Variants in DAGLA observed in about 807,000 individuals in gnomAD.
The protein encoded by DAGLA is diacylglycerol lipase alpha.
Under a neutral mutation model 102.6 loss-of-function variants are expected in DAGLA, and 22 were observed. That is an observed-to-expected ratio of 0.21 (90% CI 0.15 to 0.31). The LOEUF (loss-of-function observed/expected upper bound fraction) is 0.31, where lower values mean the gene tolerates loss of function less well. Ranked by LOEUF, DAGLA falls within the 10% of genes least tolerant of loss-of-function variation. The pLI is 1.00. For synonymous variants in DAGLA, 578 were observed against 628.9 expected (o/e 0.92, Z 1.21); for missense variants, 927 against 1,446.6 (o/e 0.64, Z 5.83).
At chr11:61,743,329 C>G (rs976643978) in intron 19 of DAGLA, among the ~76,000 whole-genome samples, 6 of 149,324 alleles carry the variant, frequency 4.0e-5, no homozygotes, top group Non-Finnish European at 7.4e-5. Context: ...TGCCACTGCA[C>G]TCCAGCCTGG....
intron 1 of DAGLA, among the ~76,000 whole-genome samples, chr11:61,683,092 G>A (rs1471626164): frequency 1.3e-5 from 2 of 152,248 alleles, no homozygotes; most frequent in Admixed American, 1.3e-4. Context: ...CCATGGCGCT[G>A]GAAGTCCTGT....
intron 1 of DAGLA, among the ~76,000 whole-genome samples, chr11:61,703,875 T>C (rs935102097): frequency 6.6e-6 from 1 of 152,178 alleles, no homozygotes; most frequent in African/African-American, 2.4e-5. Flanking sequence ...AGAATGAAGA[T>C]CCAAAGATCC....
rs1017036318 is a variant in DAGLA at position 61,744,673 on chromosome 11, G to A, written c.*184G>A. On this transcript the variant is annotated 3_prime_UTR_variant, in exon 20 of 20. Transcript: ENST00000257215. Reference sequence around the variant, plus strand: ...CTCAGCTTAGGACCCCCAGAGCCAAGGTGGCTGGGATCTGGCCCCACAGAT... The same window carrying A: ...CTCAGCTTAGGACCCCCAGAGCCAAAGTGGCTGGGATCTGGCCCCACAGAT... The A allele has an allele frequency of 3.3e-5, 19 of 573,122 alleles. No homozygotes were observed. Among genetic ancestry groups the A allele is most frequent in the African/African-American group, 5.6e-5 (3 of 53,382 alleles). The allele number at this position is 573,122 out of a possible 1,614,324, so 35.5% of individuals were successfully genotyped here.
chr11:61,725,942 C>A (rs966751375), intron 5 of DAGLA, 53 bp from the exon 6 acceptor site: 1 of 1,524,726 alleles, frequency 6.6e-7, no homozygotes, highest in Non-Finnish European at 9.1e-7. Context: ...TGGGTCCCAG[C>A]TCTTCTGGTC....
intron 1 of DAGLA, among the ~76,000 whole-genome samples, chr11:61,707,987 T>TTATG (rs978177414): frequency 6.9e-6 from 1 of 144,686 alleles, no homozygotes; most frequent in African/African-American, 2.9e-5. Context: ...GGGAATTTAT[T>TTATG]TATGTATTTA....
Position 61,734,573 on chromosome 11 carries a change from G to A in DAGLA, c.975-276G>A, listed in dbSNP as rs2065407046. Among the ~76,000 whole-genome samples, 1 of 152,262 alleles carries A rather than the reference G, an allele frequency of 6.6e-6. No homozygotes were observed. The highest frequency in any genetic ancestry group is 1.9e-4 in the East Asian group (1 of 5,160). ...TTGGGTGCATCGCTGAGTAGGCCCTGCCCGGAGGGGAGATCCCAGAGAGGA... is the reference window on the plus strand; with the variant it reads ...TTGGGTGCATCGCTGAGTAGGCCCTACCCGGAGGGGAGATCCCAGAGAGGA... On this transcript the variant is annotated intron_variant, in intron 9 of 19. Transcript: ENST00000257215. The surrounding 1 kb of genome is among the most constrained non-coding windows in gnomAD (Gnocchi z 4.2).
chr11:61,702,757 C>G (rs1366018577), intron 1 of DAGLA, among the ~76,000 whole-genome samples: 1 of 152,222 alleles, frequency 6.6e-6, no homozygotes, highest in East Asian at 1.9e-4. Context: ...GAGGTGGACG[C>G]AAGTCACACG....
At chr11:61,716,657 A>AG (rs1219109660) in intron 1 of DAGLA, among the ~76,000 whole-genome samples, 2 of 152,186 alleles carry the variant, frequency 1.3e-5, no homozygotes, top group African/African-American at 4.8e-5. Flanking sequence ...CATATGCCTG[A>AG]GGTTGCACCG....
At chr11:61,717,755 G>A (rs927144545) in intron 1 of DAGLA, among the ~76,000 whole-genome samples, 2 of 152,144 alleles carry the variant, frequency 1.3e-5, no homozygotes, top group Non-Finnish European at 2.9e-5. Context: ...CGGCCCCCAG[G>A]AGCCCCGCCT....
intron 1 of DAGLA, among the ~76,000 whole-genome samples, chr11:61,717,288 A>G (rs1400758166): frequency 2.0e-5 from 3 of 152,148 alleles, no homozygotes; most frequent in Non-Finnish European, 4.4e-5. Context: ...GCCCTTAAAA[A>G]TAGCCCCAAG....
intron 9 of DAGLA, among the ~76,000 whole-genome samples, chr11:61,731,676 G>A (rs1266808201): frequency 3.3e-5 from 5 of 152,208 alleles, no homozygotes; most frequent in Non-Finnish European, 7.3e-5. Context: ...TGGGGCAAGT[G>A]GGTCCACCTC....
chr11:61,710,564 T>C (rs774698958), intron 1 of DAGLA, among the ~76,000 whole-genome samples: 7 of 151,886 alleles, frequency 4.6e-5, no homozygotes, highest in Non-Finnish European at 1.0e-4. Flanking sequence ...CCTGGGTGGT[T>C]GTGGATTAAA....
chr11:61,694,547 C>T (rs891682841), intron 1 of DAGLA, among the ~76,000 whole-genome samples: 2 of 152,202 alleles, frequency 1.3e-5, no homozygotes, highest in African/African-American at 2.4e-5. Context: ...GCCTCTGCGC[C>T]GGCTGCCTGT....
Position 61,684,868 on chromosome 11 carries a change from G to A in DAGLA, c.-45+4364G>A, listed in dbSNP as rs560539909. ...ACAGCAGGAGGGAACAGTGGGAGTCGGAGGAGGCTGCCTTCAGGCTGTGGG... is the reference window on the plus strand; with the variant it reads ...ACAGCAGGAGGGAACAGTGGGAGTCAGAGGAGGCTGCCTTCAGGCTGTGGG... On this transcript the variant is annotated intron_variant, in intron 1 of 19. Transcript: ENST00000257215. This position sits in a 1 kb window ranked among gnomAD's most constrained non-coding sequence, Gnocchi z 4.5. Among the ~76,000 whole-genome samples, 43 of 152,180 alleles carry A rather than the reference G, an allele frequency of 2.8e-4. No individual in the cohort carries two copies. The highest frequency in any genetic ancestry group is 6.2e-4 in the South Asian group (3 of 4,824).
chr11:61,712,371 C>T (rs1028277998), intron 1 of DAGLA, among the ~76,000 whole-genome samples: 3 of 152,196 alleles, frequency 2.0e-5, no homozygotes, highest in Non-Finnish European at 4.4e-5. Context: ...GAGGTGCCTC[C>T]TCTGGTCCTT....
intron 1 of DAGLA, among the ~76,000 whole-genome samples, chr11:61,696,242 G>T (rs780278053): frequency 9.2e-5 from 14 of 152,208 alleles, no homozygotes; most frequent in Non-Finnish European, 1.9e-4. Flanking sequence ...CCCTCGGCCT[G>T]GCTGTGCCTC....
Position 61,744,020 on chromosome 11 carries a change from G to A in DAGLA, c.2660G>A (p.Gly887Asp). ...DEEEEVGGGG[G>D]GPASRGELAL... The stretch of plus-strand genomic sequence containing the variant: ...GAGGAAGAGGTTGGCGGTGGGGGTG[G>A]CGGGCCGGCCTCCCGCGGGGAGCTG... The change falls in exon 20 of 20, where the codon GGC becomes GAC. Residue 887 changes from glycine (G) to aspartate (D), a missense_variant. Gly to Asp is a moderately conservative substitution (Grantham distance 94). Coordinates refer to ENST00000257215, the MANE Select transcript of DAGLA (RefSeq NM_006133.3). 6.2e-7 allele frequency: 1 copy of A among 1,612,066 alleles called. No homozygotes were observed. The highest frequency in any genetic ancestry group is 2.2e-5 in the East Asian group (1 of 44,868).
At position 61,735,204 on chromosome 11, in the gene DAGLA, G is replaced by A. The variant is rs188320109; in HGVS notation, c.1128+202G>A. 3.1e-4 allele frequency among the ~76,000 whole-genome samples: 47 copies of A among 152,298 alleles called. No individual in the cohort carries two copies. The East Asian group carries it at 7.3e-3, about 24-fold the overall frequency. On this transcript the variant is annotated intron_variant, in intron 10 of 19. Transcript: ENST00000257215. ...CTGGCTTGCCTGTACCACCTCTGGG[G>A]CTGGGAAAGCAGACATCAACCCCAC...
chr11:61,717,730 G>C (rs2065247333), intron 1 of DAGLA, among the ~76,000 whole-genome samples: 1 of 152,304 alleles, frequency 6.6e-6, no homozygotes, highest in African/African-American at 2.4e-5. Flanking sequence ...CCTGTCACTG[G>C]GTACCCAGCA....
Sources: allele counts gnomAD v4.1 joint callset (sites outside exome capture counted in the v4.1 genomes callset), GRCh38; gene constraint gnomAD v4.1.1; non-coding constraint Gnocchi (gnomAD v3.1); transcripts MANE v1.5; gene names NCBI Gene and HGNC (gene_info 2026-07-23, HGNC 2026-07-21).